DCAF12: variants seen among roughly 807,000 people sequenced by gnomAD.
DCAF12 encodes DDB1- and CUL4-associated factor 12.
In DCAF12, 28 loss-of-function variants were observed where a neutral mutation model predicts 52.8. That is an observed-to-expected ratio of 0.53 (90% CI 0.39 to 0.73). The LOEUF (loss-of-function observed/expected upper bound fraction) is 0.73. DCAF12 is among the 30% of genes least tolerant of loss of function. The pLI is 0.00. For synonymous variants in DCAF12, 196 were observed against 215.5 expected (o/e 0.91, Z 0.79); for missense variants, 425 against 552.2 (o/e 0.77, Z 2.31).
chr9:34,122,473 ATTTTT>A (rs762013826), intron 2 of DCAF12, among the ~76,000 whole-genome samples: 1 of 127,682 alleles, frequency 7.8e-6, no homozygotes, highest in Non-Finnish European at 1.6e-5. Flanking sequence ...ATTAGTATCA[ATTTTT>A]TTTTTTTTTT....
At chr9:34,108,735 G>A (rs1031418656) in intron 2 of DCAF12, among the ~76,000 whole-genome samples, 1 of 151,006 alleles carries the variant, frequency 6.6e-6, no homozygotes, top group African/African-American at 2.4e-5. Context: ...GCAGTGAGCC[G>A]GGATCGAGCC....
At chr9:34,100,201 T>C (rs1361268092) in intron 4 of DCAF12, among the ~76,000 whole-genome samples, 1 of 147,270 alleles carries the variant, frequency 6.8e-6, no homozygotes, top group Admixed American at 6.8e-5. Context: ...TGACTGGCTT[T>C]TTTTTTTTTT....
In DCAF12 at chr9:34,126,531, T is replaced by G; in HGVS notation, c.-100A>C. On this transcript the variant is annotated 5_prime_UTR_variant, in exon 1 of 9. Transcript: ENST00000361264. ...TACTGGGCCCCGGGGCCGCGCACCT[T>G]AGTGCGCCCGGCCCGGAAAATGGCC... 6.9e-6 allele frequency: 9 copies of G among 1,311,994 alleles called. No individual in the cohort carries two copies. The highest frequency in any genetic ancestry group is 8.1e-6 in the Non-Finnish European group (8 of 982,244). The allele number at this position is 1,311,994 out of a possible 1,614,324, so 81.3% of individuals were successfully genotyped here. A position where few individuals can be genotyped will look rare whatever the true frequency, so the allele number is the denominator to read the frequency against.
chr9:34,088,947 T>TA lies in DCAF12; in HGVS notation c.1204-440dup, dbSNP rs200796007. ...CAACATGGCGAGACCCCATCTCTAC[T>TA]AAAAAAAAATAAATTAGCCGGGCAC... is the stretch of plus-strand genomic sequence containing the variant. On this transcript the variant is annotated intron_variant, in intron 8 of 8. Coordinates refer to ENST00000361264, the MANE Select transcript of DCAF12 (RefSeq NM_015397.4). 4.6e-3 allele frequency among the ~76,000 whole-genome samples: 692 copies of TA among 149,852 alleles called. 5 individuals carry two copies. The highest frequency in any genetic ancestry group is 6.9e-3 in the Non-Finnish European group (464 of 67,326).
At chr9:34,101,494 G>C (rs1257128626) in intron 4 of DCAF12, among the ~76,000 whole-genome samples, 2 of 151,964 alleles carry the variant, frequency 1.3e-5, no homozygotes, top group African/African-American at 2.4e-5. Flanking sequence ...CTGGGTTCAA[G>C]TGATTCTCCT....
At chr9:34,101,252 T>C (rs186229576) in intron 4 of DCAF12, among the ~76,000 whole-genome samples, 1 of 151,850 alleles carries the variant, frequency 6.6e-6, no homozygotes, top group East Asian at 1.9e-4. Context: ...TTTATTTTCA[T>C]TTTTTTGTAG....
chr9:34,125,403 C>A, intron 1 of DCAF12, 126 bp from the exon 2 acceptor site: 2 of 1,089,554 alleles, frequency 1.8e-6, no homozygotes, highest in Admixed American at 2.5e-5. Context: ...AATACAAACA[C>A]AAGAGAACAA....
At position 34,088,488 on chromosome 9, in the gene DCAF12, C is replaced by T. The variant is rs1419672027; in HGVS notation, c.1224G>A (p.Arg408=). 6.2e-7 allele frequency: 1 copy of T among 1,614,018 alleles called. No individual in the cohort carries two copies. The highest frequency in any genetic ancestry group is 8.5e-7 in the Non-Finnish European group (1 of 1,180,026). Reference sequence around the variant, plus strand: ...AGAAGTCAATGTCTGAAAAGTAATTCCTCCAGGTTTCATCATGATTCTACG... The same window carrying T: ...AGAAGTCAATGTCTGAAAAGTAATTTCTCCAGGTTTCATCATGATTCTACG... ...KGWLNHDETW[R]NYFSDIDFFP... Residue 408 remains arginine, a synonymous_variant, in exon 9 of 9, where the codon AGG becomes AGA. Transcript: ENST00000361264.
chr9:34,094,531 C>CTTTT (rs903364873), intron 6 of DCAF12, among the ~76,000 whole-genome samples: 2 of 141,144 alleles, frequency 1.4e-5, no homozygotes, highest in African/African-American at 5.2e-5. Context: ...ATTTCTCCAG[C>CTTTT]TTTTTTTTTT....
intron 4 of DCAF12, among the ~76,000 whole-genome samples, chr9:34,100,713 T>C (rs1828815720): frequency 6.6e-6 from 1 of 151,590 alleles, no homozygotes; most frequent in African/African-American, 2.4e-5. Flanking sequence ...TTGCCCAGCA[T>C]TGTCTTAAAC....
chr9:34,121,722 A>T (rs1829177518), intron 2 of DCAF12, among the ~76,000 whole-genome samples: 1 of 152,152 alleles, frequency 6.6e-6, no homozygotes, highest in Non-Finnish European at 1.5e-5. Flanking sequence ...AGGCAGGCGG[A>T]TCACGAGGTC....
chr9:34,103,497 T>C (rs1306613917), intron 4 of DCAF12, among the ~76,000 whole-genome samples: 2 of 152,142 alleles, frequency 1.3e-5, no homozygotes, highest in African/African-American at 2.4e-5. Context: ...AAGTTGTTTA[T>C]TCGGAACACT....
chr9:34,101,064 CTTTTTT>C (rs3061496), intron 4 of DCAF12, among the ~76,000 whole-genome samples: 2 of 118,354 alleles, frequency 1.7e-5, no homozygotes, highest in African/African-American at 6.4e-5. Flanking sequence ...CCCTCCCCAA[CTTTTTT>C]TTTTTTTTTT....
chr9:34,096,756 C>A lies in DCAF12; in HGVS notation c.821G>T (p.Gly274Val). The A allele has an allele frequency of 6.2e-7, 1 of 1,613,920 alleles. No homozygotes were observed. The highest frequency in any genetic ancestry group is 8.5e-7 in the Non-Finnish European group (1 of 1,179,964). ...NKELGAVSLD[G>V]YFHLWKAENT... ...TTCAGCCTTCCAGAGATGAAAGTAG[C>A]CATCCAGAGACACTGCTCCCAGTTC... is the stretch of plus-strand genomic sequence containing the variant. The change falls in exon 6 of 9, where the codon GGC becomes GTC. Residue 274 changes from glycine to valine, a missense_variant. By Grantham distance (109) the Gly-to-Val change is moderately radical. Around this residue, in one of 3 missense-constraint regions of DCAF12, gnomAD observed 328 missense variants for 444.4 expected, o/e 0.74. Transcript: ENST00000361264.
chr9:34,102,935 AGGC>A (rs1407579915), intron 4 of DCAF12, among the ~76,000 whole-genome samples: 2 of 151,684 alleles, frequency 1.3e-5, no homozygotes, highest in Non-Finnish European at 2.9e-5. Flanking sequence ...AAAACTAGCC[AGGC>A]ATGGTGGCAC....
chr9:34,099,350 C>A (rs1828790715), intron 4 of DCAF12, among the ~76,000 whole-genome samples: 1 of 151,944 alleles, frequency 6.6e-6, no homozygotes, highest in South Asian at 2.1e-4. Flanking sequence ...GATTCTCCTG[C>A]CCCAGCCTGT....
chr9:34,101,715 C>G (rs779730660), intron 4 of DCAF12, among the ~76,000 whole-genome samples: 2 of 151,962 alleles, frequency 1.3e-5, no homozygotes, highest in Non-Finnish European at 2.9e-5. Flanking sequence ...TTAAGAATGA[C>G]TGTTCTAGAC....
chr9:34,102,283 C>CAA (rs148123227), intron 4 of DCAF12, among the ~76,000 whole-genome samples: 15 of 142,598 alleles, frequency 1.1e-4, no homozygotes, highest in South Asian at 2.3e-4. Context: ...ACCCTGCCTC[C>CAA]AAAAAAAAAA....
chr9:34,097,063 T>C (rs10971911), intron 5 of DCAF12, among the ~76,000 whole-genome samples: 46,350 of 151,774 alleles, frequency 0.31, 7,554 homozygotes, highest in Non-Finnish European at 0.36. Context: ...GCAGGGCACA[T>C]ATGTGAAGGA....
Sources: gnomAD v4.1 joint callset for allele counts (sites outside exome capture counted in the v4.1 genomes callset) on GRCh38, gnomAD v4.1.1 for gene constraint, gnomAD v4.1.1 regional missense constraint, MANE v1.5 for transcripts, NCBI Gene and HGNC (gene_info 2026-07-23, HGNC 2026-07-21) for gene names.